SLC35F4: variants seen among roughly 807,000 people sequenced by gnomAD.
The protein encoded by SLC35F4 is solute carrier family 35 member F4.
SLC35F4 carries 24 observed loss-of-function variants against 44.2 expected under a neutral mutation model. That is an observed-to-expected ratio of 0.54 (90% CI 0.39 to 0.76). SLC35F4 has a LOEUF of 0.76. SLC35F4 is among the 30% of genes least tolerant of loss of function. The pLI is 0.00. For synonymous variants in SLC35F4, 238 were observed against 223.6 expected, an observed-to-expected ratio of 1.06 and a Z score of -0.57; for missense variants, 562 against 586.1, an observed-to-expected ratio of 0.96 and a Z score of 0.42.
At chr14:57,719,775 C>T (rs1173510326) in intron 1 of SLC35F4, among the ~76,000 whole-genome samples, 1 of 151,982 alleles carries the variant, frequency 6.6e-6, no homozygotes, top group Non-Finnish European at 1.5e-5. Context: ...AATTTGGCTC[C>T]TTTCTTTCCA....
chr14:57,800,248 C>T (rs932191590), intron 1 of SLC35F4, among the ~76,000 whole-genome samples: 10 of 141,316 alleles, frequency 7.1e-5, no homozygotes, highest in African/African-American at 2.7e-4. Context: ...GAGCGGATCC[C>T]CAGCAACCTG....
chr14:57,881,766 C>A (rs969288202), intron 1 of SLC35F4, among the ~76,000 whole-genome samples: 16 of 151,862 alleles, frequency 1.1e-4, no homozygotes, highest in Admixed American at 7.9e-4. Flanking sequence ...TTCTTGAACC[C>A]CTACTATGTA....
At chr14:57,626,963 C>T (rs1040934454) in intron 1 of SLC35F4, among the ~76,000 whole-genome samples, 1 of 151,988 alleles carries the variant, frequency 6.6e-6, no homozygotes, top group Non-Finnish European at 1.5e-5. Context: ...TATGTGAGTT[C>T]CTGGTTAAAG....
Position 57,581,418 on chromosome 14 carries a change from A to T in SLC35F4, c.603T>A (p.Ile201=), listed in dbSNP as rs777871911. 2 of 1,610,560 alleles carry T rather than the reference A, an allele frequency of 1.2e-6. No individual in the cohort carries two copies. Among genetic ancestry groups the T allele is most frequent in the Admixed American group, 3.4e-5 (2 of 59,520 alleles). ...TCAGCGTCAGACCATCTTCACCAAA[A>T]ATCCGACTGCATTCCCTAGGAAAGA... ...PMKKFRECSR[I]FGEDGLTLKL... The change falls in exon 4 of 8, where the codon ATT becomes ATA. Residue 201 remains isoleucine, a synonymous_variant. Transcript: ENST00000556826.
chr14:57,907,420 G>A (rs146904427), intron 1 of SLC35F4, among the ~76,000 whole-genome samples: 126 of 152,190 alleles, frequency 8.3e-4, no homozygotes, highest in Non-Finnish European at 1.4e-3. Context: ...TCCACTTTGG[G>A]GCAGGGGAGA....
chr14:57,879,230 G>A (rs1268319495), intron 1 of SLC35F4, among the ~76,000 whole-genome samples: 1 of 152,146 alleles, frequency 6.6e-6, no homozygotes, highest in Non-Finnish European at 1.5e-5. Context: ...AGTATTTTGA[G>A]TTTAAGGATC....
intron 1 of SLC35F4, among the ~76,000 whole-genome samples, chr14:57,745,802 C>T (rs2076738482): frequency 6.6e-6 from 1 of 152,146 alleles, no homozygotes; most frequent in African/African-American, 2.4e-5. Context: ...TATTGCGGCA[C>T]TATTCACAAT....
chr14:57,900,049 C>G (rs538545808), intron 1 of SLC35F4, among the ~76,000 whole-genome samples: 2 of 152,120 alleles, frequency 1.3e-5, no homozygotes, highest in East Asian at 3.9e-4. Context: ...AGCCTCCCTG[C>G]GATTGGCTAC....
At chr14:57,842,793 G>A (rs1414209598) in intron 1 of SLC35F4, among the ~76,000 whole-genome samples, 2 of 152,178 alleles carry the variant, frequency 1.3e-5, no homozygotes, top group African/African-American at 4.8e-5. Flanking sequence ...TTGTTCCTGG[G>A]TGTGTCTGTG....
chr14:57,740,907 G>C (rs931813693), intron 1 of SLC35F4, among the ~76,000 whole-genome samples: 1 of 152,162 alleles, frequency 6.6e-6, no homozygotes, highest in Admixed American at 6.5e-5. Flanking sequence ...TCACACGGCC[G>C]GGTGCCCCTC....
chr14:57,792,980 T>C (rs10138825), intron 1 of SLC35F4, among the ~76,000 whole-genome samples: 1,861 of 152,146 alleles, frequency 0.012, 33 homozygotes, highest in African/African-American at 0.042. Flanking sequence ...TGGAATACAT[T>C]AAAAAAACTT....
intron 1 of SLC35F4, chr14:57,596,292 T>C (rs539260251): frequency 6.0e-6 from 1 of 167,806 alleles, no homozygotes; most frequent in African/African-American, 2.4e-5. Flanking sequence ...AAATTAATGC[T>C]ATGTTACTAT....
At chr14:57,838,002 T>C (rs1205489243) in intron 1 of SLC35F4, among the ~76,000 whole-genome samples, 1 of 152,192 alleles carries the variant, frequency 6.6e-6, no homozygotes, top group East Asian at 1.9e-4. Context: ...AGTCCCGTGC[T>C]TTTACACTGA....
Position 57,564,223 on chromosome 14 carries a change from T to G in SLC35F4, c.1370A>C (p.Glu457Ala). ...FINSLKEKKS[E>A]EHVDDVTDPS... ...ATCAGTCACATCATCCACATGCTCC[T>G]CACTCTTCTTTTCCTTCAGGCTGTT... The change falls in exon 8 of 8, where the codon GAG becomes GCG. Residue 457 changes from glutamate (E) to alanine (A), a missense_variant. Transcript: ENST00000556826. 6.2e-7 allele frequency: 1 copy of G among 1,613,666 alleles called. No individual in the cohort carries two copies. The highest frequency in any genetic ancestry group is 8.5e-7 in the Non-Finnish European group (1 of 1,179,822).
intron 1 of SLC35F4, among the ~76,000 whole-genome samples, chr14:57,789,541 A>T (rs1408948734): frequency 4.6e-5 from 7 of 152,208 alleles, no homozygotes; most frequent in African/African-American, 1.7e-4. Context: ...GACCAGATGG[A>T]TTCACAGCTG....
intron 1 of SLC35F4, among the ~76,000 whole-genome samples, chr14:57,965,782 A>G (rs1290156040): frequency 1.3e-5 from 2 of 152,190 alleles, no homozygotes; most frequent in Non-Finnish European, 2.9e-5. Flanking sequence ...GAGTAGGTCC[A>G]TAAACCTATT....
intron 1 of SLC35F4, among the ~76,000 whole-genome samples, chr14:57,854,832 T>C (rs896066429): frequency 2.0e-5 from 3 of 152,228 alleles, no homozygotes; most frequent in African/African-American, 4.8e-5. Context: ...CGTCCCTTTC[T>C]GTTTTAGCAC....
At chr14:57,624,865 G>A (rs1594624651) in intron 1 of SLC35F4, among the ~76,000 whole-genome samples, 2 of 152,008 alleles carry the variant, frequency 1.3e-5, no homozygotes, top group Admixed American at 1.3e-4. Context: ...ATGGGTAAAA[G>A]CTGGAAGCAT....
intron 1 of SLC35F4, among the ~76,000 whole-genome samples, chr14:57,700,292 A>G (rs2075500996): frequency 6.6e-6 from 1 of 152,170 alleles, no homozygotes; most frequent in Non-Finnish European, 1.5e-5. Flanking sequence ...TAAACATTAA[A>G]AAGTACAGTA....
Sources: gnomAD v4.1 joint callset for allele counts (sites outside exome capture counted in the v4.1 genomes callset) on GRCh38, gnomAD v4.1.1 for gene constraint, MANE v1.5 for transcripts, NCBI Gene and HGNC (gene_info 2026-07-23, HGNC 2026-07-21) for gene names.